The following ITIH3 variants were observed in gnomAD, a reference collection of about 807,000 sequenced individuals.
ITIH3 encodes the protein inter-alpha-trypsin inhibitor heavy chain H3.
In ITIH3, 81 loss-of-function variants were observed where a neutral mutation model predicts 96.5. The observed-to-expected ratio is 0.84, with a 90% CI of 0.70 to 1.01. ITIH3 has a LOEUF of 1.01. Among genes scored for constraint, ITIH3 ranks in the 50% least tolerant of loss-of-function variants. The pLI is 0.00. For missense variants in ITIH3, 1,057 were observed against 1,139.3 expected, an observed-to-expected ratio of 0.93 and a Z score of 1.04; for synonymous variants, 422 against 445.2, an observed-to-expected ratio of 0.95 and a Z score of 0.66.
At chr3:52,795,735 A>G in intron 2 of ITIH3, 112 bp downstream of exon 2, 2 of 1,051,532 alleles carry the variant, frequency 1.9e-6, no homozygotes, top group Non-Finnish European at 2.8e-6. Context: ...GCTGGCAAAC[A>G]GCTTACGGCC....
At chr3:52,797,758 G>A in intron 5 of ITIH3, 59 bp from the exon 6 acceptor site, 1 of 1,105,888 alleles carries the variant, frequency 9.0e-7, no homozygotes, top group Non-Finnish European at 1.3e-6. Flanking sequence ...CATTGGCCTT[G>A]TTCTGGGAAC....
chr3:52,794,861 T>C lies in ITIH3; in HGVS notation c.58T>C (p.Ser20Pro), dbSNP rs769603753. 1 of 1,614,012 alleles carries C rather than the reference T, an allele frequency of 6.2e-7. No homozygotes were observed. The highest frequency in any genetic ancestry group is 1.1e-5 in the South Asian group (1 of 91,084). The change falls in exon 1 of 22, where the codon TCT (serine) becomes CCT (proline). Residue 20 changes from serine to proline, a missense_variant. Coordinates refer to ENST00000449956, the MANE Select transcript of ITIH3 (RefSeq NM_002217.4). ...ILALLSSLAASGFPRSPFRLL... is the reference protein window; with the variant it reads ...ILALLSSLAAPGFPRSPFRLL... The stretch of plus-strand genomic sequence containing the variant: ...GGCTCTGCTCTCCAGCTTGGCAGCC[T>C]CTGGCTTCCCGAGAAGCCCCTTTCG...
intron 6 of ITIH3, 135 bp from the exon 7 acceptor site, chr3:52,798,831 G>A (rs1699695652): frequency 9.0e-7 from 1 of 1,110,886 alleles, no homozygotes; most frequent in Non-Finnish European, 1.3e-6. Flanking sequence ...CAGGCCTCCA[G>A]CTCTTGCTAG....
In ITIH3 at chr3:52,796,601, T is replaced by C. The variant is rs1352359483; in HGVS notation, c.235T>C (p.Phe79Leu). Residue 79 changes from phenylalanine to leucine, a missense_variant, in exon 3 of 22, where the codon TTT becomes CTT. Physicochemically the swap from Phe to Leu is conservative, Grantham distance 22. Transcript: ENST00000449956. ...NRADTAKEVS[F>L]DVELPKTAFI... The stretch of plus-strand genomic sequence containing the variant: ...TGCAGACACGGCCAAGGAGGTTTCC[T>C]TTGATGTGGAGCTGCCCAAGACGGC... The C allele has an allele frequency of 1.2e-6, 2 of 1,613,404 alleles. No homozygotes were observed. The highest frequency in any genetic ancestry group is 1.7e-6 in the Non-Finnish European group (2 of 1,179,644).
chr3:52,806,873 C>G, intron 18 of ITIH3, 28 bp from the exon 19 acceptor site: 1 of 1,551,848 alleles, frequency 6.4e-7, no homozygotes, highest in Non-Finnish European at 8.7e-7. Context: ...TCTCGCTGGT[C>G]TCTCTCCCTG....
chr3:52,799,626 C>A, intron 8 of ITIH3, 127 bp from the exon 9 acceptor site: 1 of 1,136,846 alleles, frequency 8.8e-7, no homozygotes, highest in Non-Finnish European at 1.2e-6. Flanking sequence ...ACGGCCTCTG[C>A]CCGCTTCTGT....
At chr3:52,799,157 G>A in intron 7 of ITIH3, 66 bp downstream of exon 7, 1 of 1,573,764 alleles carries the variant, frequency 6.4e-7, no homozygotes, top group Non-Finnish European at 8.7e-7. Flanking sequence ...GCTGCAGCTG[G>A]ATCTAGTGCC....
At chr3:52,796,405 C>A in intron 2 of ITIH3, 76 bp from the exon 3 acceptor site, 1 of 1,363,782 alleles carries the variant, frequency 7.3e-7, no homozygotes, top group Non-Finnish European at 1.0e-6. Flanking sequence ...CAAGGGTTTG[C>A]AAGGGAGGTG....
At position 52,802,809 on chromosome 3, in the gene ITIH3, G is replaced by C; in HGVS notation, c.1709+3G>C. 1 of 1,613,782 alleles carries C rather than the reference G, an allele frequency of 6.2e-7. No individual in the cohort carries two copies. Among genetic ancestry groups the C allele is most frequent in the Non-Finnish European group, 8.5e-7 (1 of 1,179,792 alleles). On this transcript the variant is annotated splice_donor_region_variant and intron_variant, in intron 13 of 21. Transcript: ENST00000449956. ...ATTGAGCAGCTGCTGGAGAAGCGGTGAGCAGAGTCCCAGCCCCCACCTGTG... is the reference window on the plus strand; with the variant it reads ...ATTGAGCAGCTGCTGGAGAAGCGGTCAGCAGAGTCCCAGCCCCCACCTGTG...
chr3:52,802,402 C>G lies in ITIH3; in HGVS notation c.1452C>G (p.Ile484Met). 6.2e-7 allele frequency: 1 copy of G among 1,613,972 alleles called. No homozygotes were observed. The highest frequency in any genetic ancestry group is 8.5e-7 in the Non-Finnish European group (1 of 1,179,876). The change falls in exon 12 of 22, where the codon ATC becomes ATG. Residue 484 changes from isoleucine to methionine, a missense_variant. Transcript: ENST00000449956. ...AGATGGAGTACCCCGAGAACGCTAT[C>G]CTGGACCTCACCCAGAACACTTACC... The part of the protein sequence containing the change: ...GVEMEYPENA[I>M]LDLTQNTYQH...
chr3:52,795,238 C>T (rs1559469328), intron 1 of ITIH3, among the ~76,000 whole-genome samples: 1 of 152,110 alleles, frequency 6.6e-6, no homozygotes, highest in Non-Finnish European at 1.5e-5. Flanking sequence ...CGGGGTGTGG[C>T]GGGGGCAGGG....
intron 16 of ITIH3, 68 bp from the exon 17 acceptor site, chr3:52,806,035 A>G: frequency 6.5e-7 from 1 of 1,548,004 alleles, no homozygotes; most frequent in Non-Finnish European, 8.8e-7. Flanking sequence ...CTGAACTCCT[A>G]TGGGGGTCGT....
chr3:52,806,250 T>C (rs749129825), intron 17 of ITIH3, 43 bp from the exon 18 acceptor site: 9 of 1,603,300 alleles, frequency 5.6e-6, no homozygotes, highest in Middle Eastern at 1.7e-4. Context: ...CCAGGTATGA[T>C]GAGAGGCCCC....
chr3:52,795,587 G>C lies in ITIH3; in HGVS notation c.94-16G>C, dbSNP rs1171231326. 6.2e-7 allele frequency: 1 copy of C among 1,609,734 alleles called. No individual in the cohort carries two copies. The highest frequency in any genetic ancestry group is 1.3e-5 in the African/African-American group (1 of 74,884). ...TGGCCTGATTCCTGTGTTTGTGTTT[G>C]TTTTTGTTTTTTCAGAAACGGAGCC... On this transcript the variant is annotated splice_polypyrimidine_tract_variant and intron_variant, in intron 1 of 21. Transcript: ENST00000449956.
chr3:52,807,957 C>T lies in ITIH3; in HGVS notation c.2431+41C>T, dbSNP rs576122081. 5 of 1,600,074 alleles carry T rather than the reference C, an allele frequency of 3.1e-6. No individual in the cohort carries two copies. The African/African-American group carries it at 4.0e-5, about 13-fold the overall frequency. On this transcript the variant is annotated intron_variant, in intron 20 of 21. Coordinates refer to ENST00000449956, the MANE Select transcript of ITIH3 (RefSeq NM_002217.4). The stretch of plus-strand genomic sequence containing the variant: ...ACTGCAGGCTGTTCAGGCCTGAGAG[C>T]AGCATGGGAAAGACATACACAAGGC...
intron 1 of ITIH3, 126 bp downstream of exon 1, chr3:52,795,022 G>A: frequency 1.3e-6 from 1 of 770,448 alleles, no homozygotes; most frequent in Non-Finnish European, 2.2e-6. Context: ...GCTGGGAGTA[G>A]TGTGGACACT....
intron 1 of ITIH3, 91 bp downstream of exon 1, chr3:52,794,987 G>C: frequency 9.5e-7 from 1 of 1,056,706 alleles, no homozygotes; most frequent in Non-Finnish European, 1.5e-6. Context: ...GAGTGAAGAG[G>C]AGGCAGAGGG....
chr3:52,796,473 C>T lies in ITIH3; in HGVS notation c.115-8C>T, dbSNP rs771530367. 10 of 1,610,350 alleles carry T rather than the reference C, an allele frequency of 6.2e-6. No homozygotes were observed. Among genetic ancestry groups the T allele is most frequent in the Non-Finnish European group, 7.6e-6 (9 of 1,178,630 alleles). Reference sequence around the variant, plus strand: ...AGTCTGGCTGATTCTCCACCCACCTCCCCAAAGGTGGCCAATGGCATCGAG... The same window carrying T: ...AGTCTGGCTGATTCTCCACCCACCTTCCCAAAGGTGGCCAATGGCATCGAG... On this transcript the variant is annotated splice_polypyrimidine_tract_variant and splice_region_variant and intron_variant, in intron 2 of 21. Transcript: ENST00000449956.
intron 15 of ITIH3, chr3:52,805,486 G>T: frequency 1.7e-6 from 2 of 1,152,926 alleles, no homozygotes; most frequent in Non-Finnish European, 2.2e-6. Flanking sequence ...CCCAACTAGG[G>T]GGTGGGAAGC....
Sources: allele counts gnomAD v4.1 joint callset (sites outside exome capture counted in the v4.1 genomes callset), GRCh38; gene constraint gnomAD v4.1.1; transcripts MANE v1.5; gene names NCBI Gene and HGNC (gene_info 2026-07-23, HGNC 2026-07-21).